The following CD226 variants were observed in gnomAD, a reference collection of about 807,000 sequenced individuals.
The protein encoded by CD226 is CD226 molecule.
CD226 carries 24 observed loss-of-function variants against 34.9 expected under a neutral mutation model. That is an observed-to-expected ratio of 0.69 (90% CI 0.50 to 0.97). The LOEUF (loss-of-function observed/expected upper bound fraction) is 0.97. Ranked by LOEUF, CD226 falls within the 50% of genes least tolerant of loss-of-function variation. The probability of loss-of-function intolerance (pLI) is 0.00; values close to 1 mark genes in which losing one functional copy is unlikely to be tolerated. For synonymous variants in CD226, 148 were observed against 147.4 expected, an observed-to-expected ratio of 1.00 and a Z score of -0.03; for missense variants, 397 against 412.7, an observed-to-expected ratio of 0.96 and a Z score of 0.33.
intron 3 of CD226, among the ~76,000 whole-genome samples, chr18:69,891,017 C>CAA (rs60491291): frequency 0.21 from 22,745 of 110,596 alleles, 2,774 homozygotes; most frequent in African/African-American, 0.33. Context: ...AAAGACACCA[C>CAA]AAAAAAAAAA....
upstream of CD226, among the ~76,000 whole-genome samples, chr18:69,948,143 T>G (rs1443007117): frequency 6.6e-6 from 1 of 152,214 alleles, no homozygotes; most frequent in African/African-American, 2.4e-5. Flanking sequence ...TACAGACAGG[T>G]CCCTGTCCCC....
intron 3 of CD226, among the ~76,000 whole-genome samples, chr18:69,895,207 A>T (rs988682743): frequency 6.6e-5 from 10 of 152,214 alleles, no homozygotes; most frequent in Admixed American, 2.0e-4. Context: ...GACTGAGAGA[A>T]AAAAAGGCTC....
At chr18:69,900,698 G>C (rs968162795) in intron 2 of CD226, among the ~76,000 whole-genome samples, 4 of 145,192 alleles carry the variant, frequency 2.8e-5, no homozygotes, top group Non-Finnish European at 6.0e-5. Flanking sequence ...CGCCACTGCA[G>C]TCCGCAGTCC....
At chr18:69,944,246 C>CA (rs1402453905) in intron 2 of CD226, among the ~76,000 whole-genome samples, 1 of 152,154 alleles carries the variant, frequency 6.6e-6, no homozygotes, top group Non-Finnish European at 1.5e-5. Flanking sequence ...ATAATCAAAA[C>CA]AAGAGCAATG....
chr18:69,896,131 G>A (rs1985277683), intron 2 of CD226, 86 bp from the exon 3 acceptor site: 1 of 1,484,994 alleles, frequency 6.7e-7, no homozygotes. Context: ...AAAATAATTG[G>A]TGATGTTACC....
rs576916736 is a variant in CD226 at position 69,931,395 on chromosome 18, T to TA, written c.382+15338dup. Among the ~76,000 whole-genome samples the TA allele has an allele frequency of 2.7e-5, 4 of 148,774 alleles. No homozygotes were observed. The South Asian group carries it at 6.5e-4, about 24-fold the overall frequency. On this transcript the variant is annotated intron_variant, in intron 2 of 5. Transcript: ENST00000582621. The stretch of plus-strand genomic sequence containing the variant: ...CTTAAAGTATAATAATAATAAAATT[T>TA]AAAAAAAAGAAAAGAAAGTAATGAC...
chr18:69,905,946 T>C (rs1445619657), intron 2 of CD226, among the ~76,000 whole-genome samples: 1 of 152,226 alleles, frequency 6.6e-6, no homozygotes, highest in East Asian at 1.9e-4. Context: ...AAAATCTATT[T>C]AGGACTCCAA....
At chr18:69,915,027 G>C (rs1309648142) in intron 2 of CD226, among the ~76,000 whole-genome samples, 2 of 152,076 alleles carry the variant, frequency 1.3e-5, no homozygotes, top group African/African-American at 4.8e-5. Flanking sequence ...TGCCATTCAG[G>C]GTAATCACAT....
At chr18:69,929,476 C>T (rs2055563318) in intron 2 of CD226, among the ~76,000 whole-genome samples, 1 of 152,132 alleles carries the variant, frequency 6.6e-6, no homozygotes, top group African/African-American at 2.4e-5. Flanking sequence ...ATCTCCCTCA[C>T]AGGGACAATG....
rs1283035816 is a variant in CD226 at position 69,946,198 on chromosome 18, A to G, written c.382+536T>C. 2.5e-4 allele frequency among the ~76,000 whole-genome samples: 37 copies of G among 150,260 alleles called. 1 individual carries two copies. Among genetic ancestry groups the G allele is most frequent in the African/African-American group, 8.5e-4 (35 of 41,030 alleles). On this transcript the variant is annotated intron_variant, in intron 2 of 5. Coordinates refer to ENST00000582621, the MANE Select transcript of CD226 (RefSeq NM_001303618.2). ...ACTCCATCAAAAAAAAAAAAAAAAA[A>G]AAAAAAAAAAGAAGGAAGAAGAAAG...
At chr18:69,865,391 C>T (rs1169557846) in intron 5 of CD226, among the ~76,000 whole-genome samples, 1 of 151,312 alleles carries the variant, frequency 6.6e-6, no homozygotes, top group African/African-American at 2.4e-5. Flanking sequence ...GTTCTAATGT[C>T]TTTTTTTGAC....
intron 1 of CD226, among the ~76,000 whole-genome samples, chr18:69,954,167 G>T (rs966374015): frequency 6.6e-6 from 1 of 152,022 alleles, no homozygotes; most frequent in Non-Finnish European, 1.5e-5. Context: ...TGTTGGCCAC[G>T]TATTAATTGA....
chr18:69,904,524 G>A (rs925371417), intron 2 of CD226, among the ~76,000 whole-genome samples: 5 of 152,194 alleles, frequency 3.3e-5, no homozygotes, highest in Non-Finnish European at 7.3e-5. Context: ...TCCCCTTGGT[G>A]TAATGTTTGT....
intron 2 of CD226, among the ~76,000 whole-genome samples, chr18:69,937,258 G>A (rs1055100184): frequency 6.6e-6 from 1 of 152,150 alleles, no homozygotes; most frequent in South Asian, 2.1e-4. Flanking sequence ...GTGTTTTGTT[G>A]TTGGGGTCCT....
chr18:69,870,272 CTTTTTTTTTT>C (rs66643759), intron 4 of CD226, among the ~76,000 whole-genome samples: 15 of 124,100 alleles, frequency 1.2e-4, no homozygotes, highest in Non-Finnish European at 1.7e-4. Context: ...TTGGCTCCCC[CTTTTTTTTTT>C]TTTTTTTTTT....
At chr18:69,916,899 T>C (rs1433713809) in intron 2 of CD226, among the ~76,000 whole-genome samples, 1 of 152,216 alleles carries the variant, frequency 6.6e-6, no homozygotes, top group Non-Finnish European at 1.5e-5. Flanking sequence ...CTATCTTGGT[T>C]AATACCATCT....
upstream of CD226, among the ~76,000 whole-genome samples, chr18:69,950,725 A>G (rs1366882884): frequency 6.6e-6 from 1 of 152,192 alleles, no homozygotes; most frequent in Non-Finnish European, 1.5e-5. Flanking sequence ...AGAAAGATGT[A>G]GAGATGAGTG....
intron 2 of CD226, among the ~76,000 whole-genome samples, chr18:69,939,544 T>C (rs943566493): frequency 6.6e-6 from 1 of 152,190 alleles, no homozygotes; most frequent in African/African-American, 2.4e-5. Context: ...TTTTTTGCTA[T>C]TGCAATCACT....
At chr18:69,952,210 G>A (rs1316331129), upstream of CD226, among the ~76,000 whole-genome samples, 1 of 152,130 alleles carries the variant, frequency 6.6e-6, no homozygotes, top group African/African-American at 2.4e-5. Flanking sequence ...ACTTATAAAT[G>A]GGAGCAAAAT....
Sources: gnomAD v4.1 joint callset for allele counts (sites outside exome capture counted in the v4.1 genomes callset) on GRCh38, gnomAD v4.1.1 for gene constraint, MANE v1.5 for transcripts, NCBI Gene and HGNC (gene_info 2026-07-23, HGNC 2026-07-21) for gene names.